RBM26: variants seen among roughly 807,000 people sequenced by gnomAD.
RBM26 encodes RNA binding motif protein 26, also known as RNA-binding protein 26.
In RBM26, 30 loss-of-function variants were observed where a neutral mutation model predicts 123.6. The observed-to-expected ratio is 0.24, with a 90% CI of 0.18 to 0.33. The LOEUF (loss-of-function observed/expected upper bound fraction) is 0.33. Among genes scored for constraint, RBM26 ranks in the 10% least tolerant of loss-of-function variants. The probability of loss-of-function intolerance (pLI) is 1.00; values close to 1 mark genes in which losing one functional copy is unlikely to be tolerated. For missense variants in RBM26, 947 were observed against 1,203.6 expected (o/e 0.79, Z 3.15); for synonymous variants, 400 against 404.4 (o/e 0.99, Z 0.13).
chr13:79,367,051 G>C (rs944187029), intron 6 of RBM26, among the ~76,000 whole-genome samples, 179 bp from the exon 7 acceptor site: 14 of 152,094 alleles, frequency 9.2e-5, no homozygotes, highest in African/African-American at 3.4e-4. Context: ...CTTGTAAAGT[G>C]ATAGTATATT....
intron 9 of RBM26, among the ~76,000 whole-genome samples, chr13:79,361,922 G>A (rs896184950): frequency 1.3e-5 from 2 of 152,026 alleles, no homozygotes; most frequent in Admixed American, 6.6e-5. Flanking sequence ...AGAAACGCAC[G>A]AGAAAGGTTT....
At chr13:79,376,977 T>C (rs954698692) in intron 3 of RBM26, 9 of 164,784 alleles carry the variant, frequency 5.5e-5, no homozygotes, top group Admixed American at 1.7e-4. Context: ...TTTTGGTACA[T>C]ACTAGGTAGG....
At chr13:79,328,570 A>G (rs2068787460) in intron 20 of RBM26, among the ~76,000 whole-genome samples, 1 of 151,508 alleles carries the variant, frequency 6.6e-6, no homozygotes, top group South Asian at 2.1e-4. Flanking sequence ...AACTATAAAA[A>G]AAGATTAACT....
chr13:79,342,050 A>G (rs2071471132), intron 17 of RBM26, among the ~76,000 whole-genome samples: 1 of 151,858 alleles, frequency 6.6e-6, no homozygotes, highest in Non-Finnish European at 1.5e-5. Flanking sequence ...GTGTTTAATA[A>G]TAATATATTG....
chr13:79,375,081 T>TATATAAATATATATTTATATATATC (rs1555332779), intron 3 of RBM26, among the ~76,000 whole-genome samples: 33 of 104,364 alleles, frequency 3.2e-4, no homozygotes, highest in South Asian at 2.6e-3. Flanking sequence ...TTATATGATA[T>TATATAAATATATATTTATATATATC]ATATAAATAT....
At position 79,354,430 on chromosome 13, in the gene RBM26, T is replaced by C. The variant is rs1186734017; in HGVS notation, c.1986+9A>G. 3.2e-6 allele frequency: 5 copies of C among 1,554,380 alleles called. No individual in the cohort carries two copies. The highest frequency in any genetic ancestry group is 3.5e-6 in the Non-Finnish European group (4 of 1,144,108). On this transcript the variant is annotated intron_variant, in intron 13 of 21. Transcript: ENST00000438737. ...TATTACGGGCACAATCGTAAGACCTTTGCTTTACCTGAGGAAGGTCTGAAG... is the reference window on the plus strand; with the variant it reads ...TATTACGGGCACAATCGTAAGACCTCTGCTTTACCTGAGGAAGGTCTGAAG...
intron 15 of RBM26, 74 bp downstream of exon 15, chr13:79,344,595 C>T: frequency 7.6e-7 from 1 of 1,310,984 alleles, no homozygotes; most frequent in South Asian, 1.3e-5. Context: ...TTGCAATAAG[C>T]ACTGAAAAAA....
rs1235330209 is a variant in RBM26, at chr13:79,373,322, A to G, written c.328-1392T>C. 1.2e-4 allele frequency among the ~76,000 whole-genome samples: 13 copies of G among 107,154 alleles called. No homozygotes were observed. The East Asian group carries it at 2.5e-3, about 21-fold the overall frequency. 70.3% of individuals were successfully genotyped at this position (107,154 alleles called of 152,430 possible). On this transcript the variant is annotated intron_variant, in intron 3 of 21. Coordinates refer to ENST00000438737, the MANE Select transcript of RBM26 (RefSeq NM_001366735.2). Reference sequence around the variant, plus strand: ...TATATAAAAATATAAATAAATATATATAAATATAAAATATATATTATATAT... The same window carrying G: ...TATATAAAAATATAAATAAATATATGTAAATATAAAATATATATTATATAT...
At chr13:79,394,832 C>T (rs559489772) in intron 1 of RBM26, among the ~76,000 whole-genome samples, 2 of 152,264 alleles carry the variant, frequency 1.3e-5, no homozygotes, top group South Asian at 4.1e-4. Context: ...CGGGGTTTCA[C>T]CACATTGGCC....
At chr13:79,330,676 T>C (rs2069152714) in intron 20 of RBM26, among the ~76,000 whole-genome samples, 1 of 152,176 alleles carries the variant, frequency 6.6e-6, no homozygotes, top group South Asian at 2.1e-4. Context: ...ATATTTGTAA[T>C]GTTATAGAAT....
chr13:79,320,461 C>G lies in RBM26; in HGVS notation c.*160G>C, dbSNP rs2138336588. 8.0e-7 allele frequency: 1 copy of G among 1,248,592 alleles called. No homozygotes were observed. Among genetic ancestry groups the G allele is most frequent in the Middle Eastern group, 3.1e-4 (1 of 3,206 alleles). 77.3% of individuals were successfully genotyped at this position (1,248,592 alleles called of 1,614,324 possible). On this transcript the variant is annotated 3_prime_UTR_variant, in exon 22 of 22. Transcript: ENST00000438737. ...ATGCAAACATCAATCTTTCAAAATA[C>G]AAGATCAGAAGGTAGTTTTCTTCTT... is the stretch of plus-strand genomic sequence containing the variant.
chr13:79,361,058 T>C (rs1001392894), intron 9 of RBM26, among the ~76,000 whole-genome samples: 1 of 152,158 alleles, frequency 6.6e-6, no homozygotes, highest in East Asian at 1.9e-4. Context: ...CAATTCTAAA[T>C]TTTCAACTTC....
At chr13:79,357,526 T>C (rs1395748548) in intron 11 of RBM26, among the ~76,000 whole-genome samples, 1 of 152,132 alleles carries the variant, frequency 6.6e-6, no homozygotes, top group Non-Finnish European at 1.5e-5. Flanking sequence ...CAAATTACTG[T>C]TAGTGTTACT....
chr13:79,387,835 T>C (rs1415260660), intron 1 of RBM26, among the ~76,000 whole-genome samples: 4 of 152,232 alleles, frequency 2.6e-5, no homozygotes, highest in South Asian at 2.1e-4. Context: ...TTCTACTTAA[T>C]AGAAACATTT....
Position 79,318,987 on chromosome 13 carries a change from T to A in RBM26, c.*1634A>T, listed in dbSNP as rs1291492112. The A allele has an allele frequency of 1.0e-6, 1 of 974,814 alleles. No homozygotes were observed. The highest frequency in any genetic ancestry group is 1.2e-6 in the Non-Finnish European group (1 of 820,600). The allele number at this position is 974,814 out of a possible 1,614,324, so 60.4% of individuals were successfully genotyped here. A position where few individuals can be genotyped will look rare whatever the true frequency, so the allele number is the denominator to read the frequency against. ...TTTGATTTAAATATATAAGTAAAAA[T>A]AGTGACTTTTTGAGCAAAGTCACTA... On this transcript the variant is annotated 3_prime_UTR_variant, in exon 22 of 22. Transcript: ENST00000438737.
chr13:79,363,165 TCTTTC>T (rs1311275623), intron 9 of RBM26, among the ~76,000 whole-genome samples: 1 of 152,192 alleles, frequency 6.6e-6, no homozygotes, highest in Admixed American at 6.5e-5. Context: ...GGCCCAAATT[TCTTTC>T]CTTTTGCTGA....
In RBM26 at chr13:79,371,196, A is replaced by T; in HGVS notation, c.417-34T>A. 3.3e-6 allele frequency: 5 copies of T among 1,525,664 alleles called. No individual in the cohort carries two copies. The African/African-American group carries it at 4.1e-5, about 13-fold the overall frequency. The allele number at this position is 1,525,664 out of a possible 1,614,324, so 94.5% of individuals were successfully genotyped here. A position where few individuals can be genotyped will look rare whatever the true frequency, so the allele number is the denominator to read the frequency against. Reference sequence around the variant, plus strand: ...ATATGTGATCACTTTAATACAAATAATTTTTAAGTGACACAGGAAAAAGCT... The same window carrying T: ...ATATGTGATCACTTTAATACAAATATTTTTTAAGTGACACAGGAAAAAGCT... On this transcript the variant is annotated intron_variant, in intron 4 of 21. Transcript: ENST00000438737.
In RBM26 at chr13:79,392,466, T is replaced by C. The variant is rs541347263; in HGVS notation, c.71+13238A>G. Among the ~76,000 whole-genome samples, 14 of 146,496 alleles carry C rather than the reference T, an allele frequency of 9.6e-5. No individual in the cohort carries two copies. The South Asian group carries it at 1.9e-3, about 20-fold the overall frequency. On this transcript the variant is annotated intron_variant, in intron 1 of 21. Transcript: ENST00000438737. Reference sequence around the variant, plus strand: ...ATAATTATGTAAGTATTATGTACTATATATGTAATGGTTACATCATAAATC... The same window carrying C: ...ATAATTATGTAAGTATTATGTACTACATATGTAATGGTTACATCATAAATC...
chr13:79,370,127 T>C (rs2075730748), intron 5 of RBM26, among the ~76,000 whole-genome samples: 1 of 152,068 alleles, frequency 6.6e-6, no homozygotes, highest in African/African-American at 2.4e-5. Flanking sequence ...CTGGCCAACC[T>C]GGTGAAACCC....
Sources: gnomAD v4.1 joint callset for allele counts (sites outside exome capture counted in the v4.1 genomes callset) on GRCh38, gnomAD v4.1.1 for gene constraint, MANE v1.5 for transcripts, NCBI Gene and HGNC (gene_info 2026-07-23, HGNC 2026-07-21) for gene names.